FKBP9: variants seen among roughly 807,000 people sequenced by gnomAD.
FKBP9 encodes the protein peptidyl-prolyl cis-trans isomerase FKBP9.
Under a neutral mutation model 55.6 loss-of-function variants are expected in FKBP9, and 27 were observed. The ratio of observed to expected loss-of-function variants is 0.49; its 90% confidence interval spans 0.36 to 0.67. The LOEUF (loss-of-function observed/expected upper bound fraction) is 0.67, where lower values mean the gene tolerates loss of function less well. Among genes scored for constraint, FKBP9 ranks in the 30% least tolerant of loss-of-function variants. The pLI, the probability that FKBP9 is intolerant of heterozygous loss-of-function variation, is 0.00. For missense variants in FKBP9, 539 were observed against 742.8 expected, an observed-to-expected ratio of 0.73 and a Z score of 3.19; for synonymous variants, 267 against 296.5, an observed-to-expected ratio of 0.90 and a Z score of 1.02.
In FKBP9 at chr7:32,976,432, G is replaced by C; in HGVS notation, c.636G>C (p.Gly212=). ...LIPGMDKGLL[G]MCVGEKRIIT... is the part of the protein sequence containing the mutation. ...CTGGAATGGATAAAGGGCTGCTGGG[G>C]ATGTGTGTGGGTGAGAAGCGCATCA... Residue 212 remains glycine, a synonymous_variant, in exon 4 of 10, where the codon GGG becomes GGC. Transcript: ENST00000242209. The C allele has an allele frequency of 6.2e-7, 1 of 1,613,902 alleles. No homozygotes were observed. The highest frequency in any genetic ancestry group is 8.5e-7 in the Non-Finnish European group (1 of 1,179,856).
chr7:32,999,476 T>A (rs1259753759), intron 7 of FKBP9, among the ~76,000 whole-genome samples: 1 of 112,002 alleles, frequency 8.9e-6, no homozygotes, highest in Non-Finnish European at 1.7e-5. Context: ...CTTGGTGGTC[T>A]TTTTTTTTTT....
chr7:32,985,268 C>G (rs1445886720), intron 5 of FKBP9, among the ~76,000 whole-genome samples: 1 of 151,618 alleles, frequency 6.6e-6, no homozygotes, highest in African/African-American at 2.4e-5. Context: ...CTCTGCCCTC[C>G]AGGTTCAAGC....
chr7:32,985,019 T>A (rs1480527917), intron 5 of FKBP9, among the ~76,000 whole-genome samples: 2 of 152,146 alleles, frequency 1.3e-5, no homozygotes, highest in Admixed American at 1.3e-4. Context: ...TTTTCTTTTT[T>A]AAAAAATAGC....
intron 1 of FKBP9, among the ~76,000 whole-genome samples, chr7:32,967,695 T>A (rs1200040226): frequency 6.6e-6 from 1 of 152,238 alleles, no homozygotes; most frequent in African/African-American, 2.4e-5. Flanking sequence ...TGAACATGTG[T>A]GTGCAAATAT....
At chr7:32,965,514 G>A (rs144597724) in intron 1 of FKBP9, among the ~76,000 whole-genome samples, 6 of 151,034 alleles carry the variant, frequency 4.0e-5, no homozygotes, top group South Asian at 4.2e-4. Flanking sequence ...GAATATAGCC[G>A]TGGGGGCCAG....
At chr7:33,002,871 C>G (rs767640690) in intron 9 of FKBP9, 32 bp downstream of exon 9, 56 of 1,604,350 alleles carry the variant, frequency 3.5e-5, no homozygotes, top group Admixed American at 1.0e-4. Context: ...GAAGGTGGGA[C>G]CGAAGAGCTC....
chr7:32,957,647 C>T lies in FKBP9; in HGVS notation c.74C>T (p.Ala25Val). 8.7e-6 allele frequency: 13 copies of T among 1,501,604 alleles called. No individual in the cohort carries two copies. Among genetic ancestry groups the T allele is most frequent in the Non-Finnish European group, 1.1e-5 (13 of 1,134,050 alleles). 93.0% of individuals were successfully genotyped at this position (1,501,604 alleles called of 1,614,324 possible). Residue 25 changes from alanine to valine, a missense_variant, in exon 1 of 10, where the codon GCG (alanine) becomes GTG (valine). Transcript: ENST00000242209. ...LLLLWVTGQA[A>V]PVAGLGSDAE... ...CTGCTCTGGGTGACCGGGCAGGCAG[C>T]GCCCGTGGCGGGCCTGGGCTCCGAC...
In FKBP9 at chr7:32,988,655, G is replaced by A. The variant is rs758127608; in HGVS notation, c.1039+3G>A. 6.2e-7 allele frequency: 1 copy of A among 1,613,804 alleles called. No homozygotes were observed. Among genetic ancestry groups the A allele is most frequent in the Non-Finnish European group, 8.5e-7 (1 of 1,179,760 alleles). On this transcript the variant is annotated splice_donor_region_variant and intron_variant, in intron 6 of 9. Transcript: ENST00000242209. Reference sequence around the variant, plus strand: ...GGGGTATGGAGAGGAAGGAAGAGGTGAGCATCAGCATCACCTGCCTTCCTC... The same window carrying A: ...GGGGTATGGAGAGGAAGGAAGAGGTAAGCATCAGCATCACCTGCCTTCCTC...
intron 4 of FKBP9, among the ~76,000 whole-genome samples, chr7:32,978,565 C>T (rs1425438292): frequency 6.6e-6 from 1 of 151,990 alleles, no homozygotes; most frequent in Non-Finnish European, 1.5e-5. Flanking sequence ...GCTACGTTAC[C>T]CAGGCTTACC....
intron 6 of FKBP9, among the ~76,000 whole-genome samples, chr7:32,993,600 G>A (rs150410799): frequency 1.1e-3 from 162 of 152,306 alleles, no homozygotes; most frequent in African/African-American, 3.7e-3. Flanking sequence ...TGAAGCAGGC[G>A]GATAACCTGA....
At chr7:32,974,582 T>C in intron 1 of FKBP9, 35 bp from the exon 2 acceptor site, 1 of 1,597,444 alleles carries the variant, frequency 6.3e-7, no homozygotes, top group South Asian at 1.1e-5. Context: ...CTATTTATAC[T>C]TTTCTTTCTC....
intron 8 of FKBP9, 55 bp from the exon 9 acceptor site, chr7:33,002,621 G>A: frequency 6.3e-7 from 1 of 1,593,586 alleles, no homozygotes; most frequent in Non-Finnish European, 8.6e-7. Context: ...CTGGTTGTTG[G>A]GCTTGACTGC....
chr7:33,004,010 G>A (rs1477930183), intron 9 of FKBP9, among the ~76,000 whole-genome samples: 2 of 152,006 alleles, frequency 1.3e-5, no homozygotes, highest in African/African-American at 4.8e-5. Context: ...TTTACCCAAA[G>A]CCTTTCCCGT....
At chr7:32,990,167 G>T (rs1394632009) in intron 6 of FKBP9, among the ~76,000 whole-genome samples, 1 of 152,116 alleles carries the variant, frequency 6.6e-6, no homozygotes, top group Non-Finnish European at 1.5e-5. Flanking sequence ...TTACAGATTT[G>T]ATTAAGGATC....
chr7:32,980,382 A>T lies in FKBP9; in HGVS notation c.722A>T (p.Gln241Leu). The T allele has an allele frequency of 6.2e-7, 1 of 1,611,212 alleles. No homozygotes were observed. Among genetic ancestry groups the T allele is most frequent in the East Asian group, 2.2e-5 (1 of 44,836 alleles). The change falls in exon 5 of 10, where the codon CAG (glutamine) becomes CTG (leucine). Residue 241 changes from glutamine (Q) to leucine (L), a missense_variant. Transcript: ENST00000242209. Reference sequence around the variant, plus strand: ...ATTCTAGGGAAAGACATTCCCGGTCAGGCATCTCTGGTGTTTGATGTTGCA... The same window carrying T: ...ATTCTAGGGAAAGACATTCCCGGTCTGGCATCTCTGGTGTTTGATGTTGCA... ...EDGDGKDIPG[Q>L]ASLVFDVALL...
At chr7:32,959,860 T>G (rs540583200) in intron 1 of FKBP9, among the ~76,000 whole-genome samples, 2 of 152,348 alleles carry the variant, frequency 1.3e-5, no homozygotes, top group South Asian at 4.1e-4. Context: ...TTTGGATTGC[T>G]TATACTTTTT....
chr7:32,989,719 A>C (rs754713956), intron 6 of FKBP9, among the ~76,000 whole-genome samples: 6 of 152,178 alleles, frequency 3.9e-5, no homozygotes, highest in Non-Finnish European at 8.8e-5. Context: ...ATGCCATGCC[A>C]GAAACAAATA....
chr7:32,965,242 T>G (rs1408781712), intron 1 of FKBP9, among the ~76,000 whole-genome samples: 1 of 152,068 alleles, frequency 6.6e-6, no homozygotes, highest in Non-Finnish European at 1.5e-5. Flanking sequence ...GCAATTCTCA[T>G]GCCTCAGCCA....
At chr7:32,960,076 T>A (rs1037923305) in intron 1 of FKBP9, among the ~76,000 whole-genome samples, 4 of 151,860 alleles carry the variant, frequency 2.6e-5, no homozygotes, top group Admixed American at 1.3e-4. Context: ...AGGTTCATAG[T>A]TCTCCACGGT....
Sources: allele counts gnomAD v4.1 joint callset (sites outside exome capture counted in the v4.1 genomes callset), GRCh38; gene constraint gnomAD v4.1.1; transcripts MANE v1.5; gene names NCBI Gene and HGNC (gene_info 2026-07-23, HGNC 2026-07-21).